The following UGP2 variants were observed in gnomAD, a reference collection of about 807,000 sequenced individuals.
UGP2 encodes UTP--glucose-1-phosphate uridylyltransferase.
Under a neutral mutation model 49.0 loss-of-function variants are expected in UGP2, and 40 were observed. The observed-to-expected ratio is 0.82, with a 90% CI of 0.63 to 1.06. The LOEUF is 1.06. UGP2 is among the 50% of genes least tolerant of loss of function. The probability of loss-of-function intolerance (pLI) is 0.00; values close to 1 mark genes in which losing one functional copy is unlikely to be tolerated. For synonymous variants in UGP2, 225 were observed against 213.0 expected, an observed-to-expected ratio of 1.06 and a Z score of -0.49; for missense variants, 460 against 603.5, an observed-to-expected ratio of 0.76 and a Z score of 2.49.
At chr2:63,863,491 A>G (rs1388934847) in intron 3 of UGP2, among the ~76,000 whole-genome samples, 3 of 152,206 alleles carry the variant, frequency 2.0e-5, no homozygotes, top group African/African-American at 4.8e-5. Flanking sequence ...ATGAAAGGGC[A>G]GTAGTTACAT....
intron 1 of UGP2, among the ~76,000 whole-genome samples, chr2:63,843,869 CT>C (rs1424264424): frequency 1.3e-5 from 2 of 152,240 alleles, no homozygotes; most frequent in South Asian, 2.1e-4. Flanking sequence ...TTGCCAGCCA[CT>C]TTTTTTCTTT....
At chr2:63,874,350 G>A (rs1017780753) in intron 3 of UGP2, among the ~76,000 whole-genome samples, 1 of 152,188 alleles carries the variant, frequency 6.6e-6, no homozygotes, top group Non-Finnish European at 1.5e-5. Flanking sequence ...AGAGACCACT[G>A]CAATAACACA....
At chr2:63,883,014 G>A (rs1253636456) in intron 4 of UGP2, among the ~76,000 whole-genome samples, 2 of 152,090 alleles carry the variant, frequency 1.3e-5, no homozygotes, top group African/African-American at 4.8e-5. Flanking sequence ...TGTGTATTTG[G>A]CTGCAGGTCA....
chr2:63,841,591 T>C (rs531514980), upstream of UGP2: 2 of 152,202 alleles, frequency 1.3e-5, no homozygotes, highest in East Asian at 3.9e-4. Flanking sequence ...GAGCGTGGAA[T>C]TGGTAGCGCC....
In UGP2 at chr2:63,887,488, T is replaced by C. The variant is rs147556938; in HGVS notation, c.1158T>C (p.Asn386=). ...GTTTTGAGAATTCTCTAGGTATTAATGTGCCAAGGAGCCGTTTTCTGCCTG... is the reference window on the plus strand; with the variant it reads ...GTTTTGAGAATTCTCTAGGTATTAACGTGCCAAGGAGCCGTTTTCTGCCTG... ...IKSFENSLGI[N]VPRSRFLPVK... is the part of the protein sequence containing the mutation. Residue 386 remains asparagine, a synonymous_variant, in exon 8 of 10, where the codon AAT becomes AAC. Coordinates refer to ENST00000337130, the MANE Select transcript of UGP2 (RefSeq NM_006759.4). The C allele has an allele frequency of 1.7e-5, 27 of 1,613,954 alleles. No homozygotes were observed. The highest frequency in any genetic ancestry group is 2.7e-5 in the African/African-American group (2 of 74,898).
At chr2:63,884,732 T>G (rs1671541544) in intron 5 of UGP2, among the ~76,000 whole-genome samples, 1 of 151,870 alleles carries the variant, frequency 6.6e-6, no homozygotes, top group South Asian at 2.1e-4. Context: ...GGCAACATAA[T>G]GAGACGTCGT....
chr2:63,846,506 T>G (rs1030417668), intron 1 of UGP2, among the ~76,000 whole-genome samples: 2 of 152,204 alleles, frequency 1.3e-5, no homozygotes, highest in African/African-American at 4.8e-5. Context: ...GTCCCTGATG[T>G]TCTTAAATTG....
At chr2:63,890,258 C>G in intron 9 of UGP2, 73 bp downstream of exon 9, 1 of 1,136,906 alleles carries the variant, frequency 8.8e-7, no homozygotes, top group East Asian at 2.5e-5. Flanking sequence ...CATAAATTTA[C>G]ATTTACTTTA....
At chr2:63,851,380 G>GAT (rs1317526066) in intron 1 of UGP2, among the ~76,000 whole-genome samples, 2 of 152,180 alleles carry the variant, frequency 1.3e-5, no homozygotes, top group Admixed American at 1.3e-4. Context: ...AGGGGTGTTT[G>GAT]ATATAATACA....
At chr2:63,877,649 A>G (rs1670995102) in intron 3 of UGP2, among the ~76,000 whole-genome samples, 1 of 152,116 alleles carries the variant, frequency 6.6e-6, no homozygotes, top group African/African-American at 2.4e-5. Flanking sequence ...AAATTTTTAC[A>G]TTTTCTCTAG....
intron 3 of UGP2, among the ~76,000 whole-genome samples, chr2:63,867,054 ATGT>A (rs928621076): frequency 8.5e-5 from 13 of 152,200 alleles, no homozygotes; most frequent in East Asian, 1.9e-4. Context: ...CTGTATATTT[ATGT>A]TGTTTATTGT....
intron 1 of UGP2, among the ~76,000 whole-genome samples, chr2:63,852,978 G>A (rs1383673079): frequency 6.6e-6 from 1 of 152,136 alleles, no homozygotes; most frequent in East Asian, 1.9e-4. Context: ...CTTTAAGGAA[G>A]TAAAGAATGT....
At chr2:63,855,520 G>GTTTTTTTTTTT (rs372160888) in intron 1 of UGP2, 161 of 194,246 alleles carry the variant, frequency 8.3e-4, no homozygotes, top group Middle Eastern at 2.3e-3. Flanking sequence ...TTCTTTTTCT[G>GTTTTTTTTTTT]TTTTTTTTTT....
At chr2:63,858,413 C>G (rs1669598205) in intron 3 of UGP2, among the ~76,000 whole-genome samples, 1 of 151,724 alleles carries the variant, frequency 6.6e-6, no homozygotes, top group Non-Finnish European at 1.5e-5. Flanking sequence ...TTGTTTTTTC[C>G]TAATGAGAAA....
intron 3 of UGP2, among the ~76,000 whole-genome samples, chr2:63,871,141 A>T (rs1487224579): frequency 6.6e-6 from 1 of 152,218 alleles, no homozygotes; most frequent in Admixed American, 6.5e-5. Context: ...ACCAATCTTC[A>T]GAACTTTTTC....
intron 1 of UGP2, among the ~76,000 whole-genome samples, chr2:63,855,123 C>A (rs1669301868): frequency 6.6e-6 from 1 of 152,178 alleles, no homozygotes; most frequent in African/African-American, 2.4e-5. Context: ...TTAGTTACTT[C>A]TAAACTTTGT....
At chr2:63,864,917 TA>T (rs1670078860) in intron 3 of UGP2, among the ~76,000 whole-genome samples, 1 of 152,228 alleles carries the variant, frequency 6.6e-6, no homozygotes. Flanking sequence ...AAGGGCCTAA[TA>T]CTAACAGAGC....
Position 63,842,042 on chromosome 2 carries a change from A to C in UGP2, c.-144A>C. 1 of 952,116 alleles carries C rather than the reference A, an allele frequency of 1.1e-6. No individual in the cohort carries two copies. The highest frequency in any genetic ancestry group is 1.5e-6 in the Non-Finnish European group (1 of 678,202). 59.0% of individuals were successfully genotyped at this position (952,116 alleles called of 1,614,324 possible). ...CTTGAGCCAGTTTTAATCGCTTTGA[A>C]TAAATACTCCCTTAAGTAGTTAAAT... On this transcript the variant is annotated 5_prime_UTR_variant, in exon 1 of 10. Transcript: ENST00000337130.
chr2:63,890,803 G>C (rs1388546337), intron 9 of UGP2, among the ~76,000 whole-genome samples: 3 of 152,118 alleles, frequency 2.0e-5, no homozygotes, highest in Admixed American at 1.3e-4. Flanking sequence ...ATTTCTCTAT[G>C]AAGGTTAGAT....
Sources: gnomAD v4.1 joint callset for allele counts (sites outside exome capture counted in the v4.1 genomes callset) on GRCh38, gnomAD v4.1.1 for gene constraint, MANE v1.5 for transcripts, NCBI Gene and HGNC (gene_info 2026-07-23, HGNC 2026-07-21) for gene names.